DTNA: variants seen among roughly 807,000 people sequenced by gnomAD.
DTNA encodes dystrobrevin alpha, also known as dystrophin-related protein 3.
Under a neutral mutation model 100.7 loss-of-function variants are expected in DTNA, and 43 were observed. The ratio of observed to expected loss-of-function variants is 0.43; its 90% confidence interval spans 0.33 to 0.55. DTNA has a LOEUF of 0.55. DTNA is among the 20% of genes least tolerant of loss of function. The probability of loss-of-function intolerance (pLI) is 0.04; values close to 1 mark genes in which losing one functional copy is unlikely to be tolerated. For synonymous variants in DTNA, 349 were observed against 347.9 expected (o/e 1.00, Z -0.04); for missense variants, 798 against 953.9 (o/e 0.84, Z 2.15).
At chr18:34,814,929 T>C (rs1220823802) in intron 6 of DTNA, among the ~76,000 whole-genome samples, 1 of 152,078 alleles carries the variant, frequency 6.6e-6, no homozygotes, top group African/African-American at 2.4e-5. Flanking sequence ...ATTTCAAATA[T>C]GAAAAGAGGT....
intron 17 of DTNA, among the ~76,000 whole-genome samples, chr18:34,869,962 A>C (rs1024952128): frequency 6.6e-6 from 1 of 152,204 alleles, no homozygotes; most frequent in African/African-American, 2.4e-5. Context: ...CGGAGCTTGC[A>C]GTGAGCTGAG....
At chr18:34,526,375 G>A (rs1404571056) in intron 1 of DTNA, among the ~76,000 whole-genome samples, 1 of 152,072 alleles carries the variant, frequency 6.6e-6, no homozygotes, top group East Asian at 1.9e-4. Flanking sequence ...CACATTGACT[G>A]ATCTCAGATA....
intron 1 of DTNA, among the ~76,000 whole-genome samples, chr18:34,704,938 G>T (rs1333979404): frequency 6.6e-6 from 1 of 152,052 alleles, no homozygotes; most frequent in Non-Finnish European, 1.5e-5. Context: ...AGATGTCATG[G>T]CTGTGCAAAC....
At chr18:34,547,062 T>C (rs1448381447) in intron 1 of DTNA, among the ~76,000 whole-genome samples, 1 of 152,052 alleles carries the variant, frequency 6.6e-6, no homozygotes, top group South Asian at 2.1e-4. Flanking sequence ...TAAAATGATA[T>C]AGAAAGAATA....
At chr18:34,539,683 T>C (rs1042835180) in intron 1 of DTNA, among the ~76,000 whole-genome samples, 2 of 151,976 alleles carry the variant, frequency 1.3e-5, no homozygotes, top group Middle Eastern at 3.2e-3. Flanking sequence ...AATTGTATCA[T>C]TGTCTATGTG....
At chr18:34,834,094 T>C (rs2096077154) in intron 11 of DTNA, among the ~76,000 whole-genome samples, 1 of 152,152 alleles carries the variant, frequency 6.6e-6, no homozygotes. Flanking sequence ...CATAAAATAT[T>C]GTGATAATAT....
At chr18:34,511,280 C>A (rs542116626) in intron 1 of DTNA, among the ~76,000 whole-genome samples, 1 of 151,980 alleles carries the variant, frequency 6.6e-6, no homozygotes, top group Non-Finnish European at 1.5e-5. Context: ...TACTTAAGAC[C>A]CATCTGTTAT....
Position 34,864,248 on chromosome 18 carries a change from C to CTTT in DTNA, c.1743+204_1743+206dup, listed in dbSNP as rs555273655. Among the ~76,000 whole-genome samples the CTTT allele has an allele frequency of 4.0e-3, 509 of 127,410 alleles. 9 individuals are homozygous for CTTT. Among genetic ancestry groups the CTTT allele is most frequent in the South Asian group, 8.4e-3 (33 of 3,944 alleles). The allele number at this position is 127,410 out of a possible 152,430, so 83.6% of individuals were successfully genotyped here. On this transcript the variant is annotated intron_variant, in intron 17 of 22. Transcript: ENST00000444659. ...GTAGCTGTCAGTAATAGAACACATT[C>CTTT]TTTTTTTTTTTTTTTTTTTTGAGAC...
intron 8 of DTNA, chr18:34,818,696 A>G: frequency 9.4e-7 from 1 of 1,062,758 alleles, no homozygotes; most frequent in Non-Finnish European, 1.2e-6. Context: ...CGGCTTAAAA[A>G]TTATTGTTAG....
intron 1 of DTNA, among the ~76,000 whole-genome samples, chr18:34,546,836 A>T (rs900366833): frequency 6.6e-6 from 1 of 151,542 alleles, no homozygotes; most frequent in Non-Finnish European, 1.5e-5. Context: ...CAGCCTCCCA[A>T]GTAGCTGAGA....
intron 3 of DTNA, among the ~76,000 whole-genome samples, chr18:34,768,421 G>C (rs9954936): frequency 6.9e-6 from 1 of 144,450 alleles, no homozygotes; most frequent in South Asian, 2.1e-4. Context: ...TCAACATTAA[G>C]GTGGACACAC....
intron 1 of DTNA, among the ~76,000 whole-genome samples, chr18:34,745,295 T>C (rs115492159): frequency 0.011 from 1,650 of 152,240 alleles, 32 homozygotes; most frequent in African/African-American, 0.036. Flanking sequence ...AGTTCAATAC[T>C]GCACTTTCAC....
upstream of DTNA, chr18:34,708,184 G>A (rs1008124323): frequency 6.6e-5 from 10 of 152,244 alleles, no homozygotes; most frequent in African/African-American, 2.4e-4. Flanking sequence ...GTAATTTCCT[G>A]AATTTGATTA....
intron 1 of DTNA, among the ~76,000 whole-genome samples, chr18:34,655,896 A>C (rs554241881): frequency 6.6e-6 from 1 of 152,340 alleles, no homozygotes; most frequent in African/African-American, 2.4e-5. Context: ...AAAGAAATTA[A>C]GTCTTCATTT....
At chr18:34,861,131 G>T (rs1382020418) in intron 16 of DTNA, among the ~76,000 whole-genome samples, 2 of 151,976 alleles carry the variant, frequency 1.3e-5, no homozygotes, top group African/African-American at 4.8e-5. Context: ...TTGATATATG[G>T]TATTTAATAT....
intron 1 of DTNA, among the ~76,000 whole-genome samples, chr18:34,582,066 A>G (rs1179540247): frequency 1.3e-5 from 2 of 151,968 alleles, no homozygotes; most frequent in Non-Finnish European, 2.9e-5. Flanking sequence ...GTATCTTCAT[A>G]ATGATTTTTA....
At chr18:34,530,920 CTCT>C (rs964146029) in intron 1 of DTNA, among the ~76,000 whole-genome samples, 7 of 152,268 alleles carry the variant, frequency 4.6e-5, no homozygotes, top group South Asian at 2.1e-4. Flanking sequence ...TCAGCAGCCT[CTCT>C]TCTTCTTCCC....
chr18:34,695,418 A>T (rs1295623969), intron 1 of DTNA, among the ~76,000 whole-genome samples: 1 of 152,134 alleles, frequency 6.6e-6, no homozygotes, highest in African/African-American at 2.4e-5. Flanking sequence ...AAATATTCAG[A>T]TCCTTTTCAT....
chr18:34,709,173 C>G (rs936526679), upstream of DTNA, among the ~76,000 whole-genome samples: 1 of 152,166 alleles, frequency 6.6e-6, no homozygotes, highest in African/African-American at 2.4e-5. Context: ...AGAAGTAGCC[C>G]TACCTAGTGC....
Sources: allele counts gnomAD v4.1 joint callset (sites outside exome capture counted in the v4.1 genomes callset), GRCh38; gene constraint gnomAD v4.1.1; transcripts MANE v1.5; gene names NCBI Gene and HGNC (gene_info 2026-07-23, HGNC 2026-07-21).